Variants in VPS36 observed in about 807,000 individuals in gnomAD.
VPS36 encodes the protein vacuolar protein sorting 36 homolog.
In VPS36, 31 loss-of-function variants were observed where a neutral mutation model predicts 63.5. The ratio of observed to expected loss-of-function variants is 0.49; its 90% confidence interval spans 0.37 to 0.66. VPS36 has a LOEUF of 0.66. Among genes scored for constraint, VPS36 ranks in the 30% least tolerant of loss-of-function variants. VPS36 has a pLI of 0.00. For synonymous variants in VPS36, 138 were observed against 157.2 expected (o/e 0.88, Z 0.91); for missense variants, 338 against 463.7 (o/e 0.73, Z 2.49).
chr13:52,447,028 A>C (rs1958350728), intron 1 of VPS36, among the ~76,000 whole-genome samples: 3 of 151,872 alleles, frequency 2.0e-5, no homozygotes, highest in South Asian at 4.2e-4. Flanking sequence ...GGCACCCGCC[A>C]CCACGCCCAG....
chr13:52,421,453 A>G (rs1277360778), intron 10 of VPS36, among the ~76,000 whole-genome samples: 3 of 150,604 alleles, frequency 2.0e-5, no homozygotes, highest in African/African-American at 2.4e-5. Flanking sequence ...TTCTGCTGCT[A>G]TATTACACAG....
chr13:52,442,227 T>G, intron 2 of VPS36, 150 bp downstream of exon 2: 1 of 529,366 alleles, frequency 1.9e-6, no homozygotes, highest in Non-Finnish European at 3.1e-6. Flanking sequence ...GGCTCACTCC[T>G]GTAGCCCCGG....
chr13:52,430,924 A>C (rs1459764653), intron 6 of VPS36, among the ~76,000 whole-genome samples: 2 of 152,166 alleles, frequency 1.3e-5, no homozygotes, highest in African/African-American at 2.4e-5. Flanking sequence ...AATATAATGA[A>C]GGCACTCAAA....
At chr13:52,421,315 A>G (rs906708351) in intron 10 of VPS36, among the ~76,000 whole-genome samples, 2 of 152,126 alleles carry the variant, frequency 1.3e-5, no homozygotes, top group African/African-American at 4.8e-5. Flanking sequence ...GAATCTTAAA[A>G]AAGTTGATCT....
intron 2 of VPS36, among the ~76,000 whole-genome samples, chr13:52,440,029 A>G (rs1012220152): frequency 6.6e-6 from 1 of 150,496 alleles, no homozygotes; most frequent in South Asian, 2.1e-4. Flanking sequence ...CCCAAGCTGG[A>G]GTGCAGTAGT....
At chr13:52,423,123 A>G (rs570782103) in intron 10 of VPS36, among the ~76,000 whole-genome samples, 3 of 152,254 alleles carry the variant, frequency 2.0e-5, no homozygotes, top group Admixed American at 6.5e-5. Flanking sequence ...TGTGAGTCCA[A>G]TTAAATCTTT....
chr13:52,415,581 T>TA lies in VPS36; in HGVS notation c.*248dup, dbSNP rs1419669645. ...AGTTAAAATCCACTATATTCCAAGT[T>TA]AAACTCTGAGGGTTCTGCACTATAG... On this transcript the variant is annotated 3_prime_UTR_variant, in exon 14 of 14. Coordinates refer to ENST00000378060, the MANE Select transcript of VPS36 (RefSeq NM_016075.4). 2.9e-6 allele frequency: 1 copy of TA among 348,950 alleles called. No individual in the cohort carries two copies. Among genetic ancestry groups the TA allele is most frequent in the Admixed American group, 4.5e-5 (1 of 22,140 alleles). 21.6% of individuals were successfully genotyped at this position (348,950 alleles called of 1,614,324 possible). A position where few individuals can be genotyped will look rare whatever the true frequency, so the allele number is the denominator to read the frequency against.
In VPS36 at chr13:52,423,655, A is replaced by T. The variant is rs757789875; in HGVS notation, c.775-16T>A. ...CCCCTCGTTCCTGTTCAAATATGAAATTTTTAAAAAAGTATTATGTTACAA... is the reference window on the plus strand; with the variant it reads ...CCCCTCGTTCCTGTTCAAATATGAATTTTTTAAAAAAGTATTATGTTACAA... On this transcript the variant is annotated splice_polypyrimidine_tract_variant and intron_variant, in intron 9 of 13. Coordinates refer to ENST00000378060, the MANE Select transcript of VPS36 (RefSeq NM_016075.4). 1.9e-6 allele frequency: 3 copies of T among 1,603,776 alleles called. No homozygotes were observed. Among genetic ancestry groups the T allele is most frequent in the South Asian group, 1.1e-5 (1 of 90,252 alleles).
intron 10 of VPS36, among the ~76,000 whole-genome samples, chr13:52,422,725 T>A (rs554618487): frequency 5.3e-5 from 8 of 152,366 alleles, no homozygotes; most frequent in South Asian, 4.1e-4. Flanking sequence ...CACAAAAGAA[T>A]TATCTTGCTC....
chr13:52,443,865 C>G (rs1958306552), intron 1 of VPS36, among the ~76,000 whole-genome samples: 1 of 151,882 alleles, frequency 6.6e-6, no homozygotes, highest in African/African-American at 2.4e-5. Context: ...TAAATTAAAC[C>G]CCTGTGTTTC....
chr13:52,413,667 C>T lies in VPS36; in HGVS notation c.*2163G>A, dbSNP rs143203427. The T allele has an allele frequency of 9.8e-3, 1,494 of 152,468 alleles. 19 individuals are homozygous for T. Among genetic ancestry groups the T allele is most frequent in the Non-Finnish European group, 0.016 (1,055 of 67,982 alleles). The allele number at this position is 152,468 out of a possible 1,614,324, so 9.4% of individuals were successfully genotyped here. A position where few individuals can be genotyped will look rare whatever the true frequency, so the allele number is the denominator to read the frequency against. On this transcript the variant is annotated 3_prime_UTR_variant, in exon 14 of 14. Transcript: ENST00000378060. ...ATAAAGCTACAAAGAGGCTCATGCT[C>T]CTAAGAGCAAAGTTAGGAAAACAAA...
intron 1 of VPS36, among the ~76,000 whole-genome samples, chr13:52,449,292 T>C (rs1427842135): frequency 6.6e-6 from 1 of 152,194 alleles, no homozygotes; most frequent in Non-Finnish European, 1.5e-5. Flanking sequence ...TGAGCCCAGA[T>C]CGCGCCACTG....
At chr13:52,440,784 T>C (rs1958268532) in intron 2 of VPS36, among the ~76,000 whole-genome samples, 1 of 152,180 alleles carries the variant, frequency 6.6e-6, no homozygotes, top group Non-Finnish European at 1.5e-5. Context: ...GAATATATAT[T>C]ACTTTTAAAA....
chr13:52,439,819 C>G (rs114359701), intron 2 of VPS36, among the ~76,000 whole-genome samples: 2 of 152,090 alleles, frequency 1.3e-5, no homozygotes, highest in East Asian at 3.9e-4. Flanking sequence ...ACACTGAAAG[C>G]AAAAAACAAA....
At chr13:52,438,422 T>C (rs1958240874) in intron 3 of VPS36, among the ~76,000 whole-genome samples, 1 of 152,248 alleles carries the variant, frequency 6.6e-6, no homozygotes, top group South Asian at 2.1e-4. Flanking sequence ...GCATGTCCAG[T>C]GAAGCTCAAC....
At chr13:52,432,408 AGAT>A (rs1443693864) in intron 6 of VPS36, among the ~76,000 whole-genome samples, 1 of 152,226 alleles carries the variant, frequency 6.6e-6, no homozygotes, top group Admixed American at 6.5e-5. Flanking sequence ...CATCGTCAAA[AGAT>A]AATAAGGAAA....
Position 52,414,682 on chromosome 13 carries a change from G to C in VPS36, c.*1148C>G, listed in dbSNP as rs190646095. 1.3e-5 allele frequency: 2 copies of C among 152,338 alleles called. No individual in the cohort carries two copies. Among genetic ancestry groups the C allele is most frequent in the African/African-American group, 2.4e-5 (1 of 41,570 alleles). 9.4% of individuals were successfully genotyped at this position (152,338 alleles called of 1,614,324 possible). A position where few individuals can be genotyped will look rare whatever the true frequency, so the allele number is the denominator to read the frequency against. On this transcript the variant is annotated 3_prime_UTR_variant, in exon 14 of 14. Transcript: ENST00000378060. ...CAATACAATACTTTCCCTCCCGCAG[G>C]CTTGGCCAAAACCATCACCACCCTT...
At chr13:52,428,274 T>C (rs1205515611) in intron 6 of VPS36, among the ~76,000 whole-genome samples, 1 of 152,200 alleles carries the variant, frequency 6.6e-6, no homozygotes, top group African/African-American at 2.4e-5. Context: ...TCTTATCTAA[T>C]TGATGCATAC....
At chr13:52,436,213 G>T in intron 4 of VPS36, 77 bp downstream of exon 4, 2 of 532,416 alleles carry the variant, frequency 3.8e-6, no homozygotes, top group Non-Finnish European at 2.9e-6. Context: ...ATATTAACAA[G>T]CCACAACACA....
Sources: allele counts gnomAD v4.1 joint callset (sites outside exome capture counted in the v4.1 genomes callset), GRCh38; gene constraint gnomAD v4.1.1; transcripts MANE v1.5; gene names NCBI Gene and HGNC (gene_info 2026-07-23, HGNC 2026-07-21).